KLHL29: variants seen among roughly 807,000 people sequenced by gnomAD.
KLHL29 encodes kelch like family member 29.
A neutral mutation model predicts 80.4 loss-of-function variants in KLHL29; 21 were observed. That is an observed-to-expected ratio of 0.26 (90% confidence interval 0.19 to 0.38). The LOEUF is 0.38. Ranked by LOEUF, KLHL29 falls within the 10% of genes least tolerant of loss-of-function variation. The pLI, the probability that KLHL29 is intolerant of heterozygous loss-of-function variation, is 1.00. For missense variants in KLHL29, 867 were observed against 1,223.9 expected (o/e 0.71, Z 4.35); for synonymous variants, 511 against 526.8 (o/e 0.97, Z 0.41).
At chr2:23,512,778 C>T (rs1659807968) in intron 2 of KLHL29, among the ~76,000 whole-genome samples, 1 of 152,254 alleles carries the variant, frequency 6.6e-6, no homozygotes, top group Non-Finnish European at 1.5e-5. Flanking sequence ...TCCGCTGGTA[C>T]AGGACTGTGT....
intron 1 of KLHL29, among the ~76,000 whole-genome samples, chr2:23,399,492 GT>G: frequency 6.6e-6 from 1 of 152,318 alleles, no homozygotes; most frequent in Non-Finnish European, 1.5e-5. Flanking sequence ...AAAAAAATGT[GT>G]TTTACAATTT....
Position 23,577,667 on chromosome 2 carries a change from G to C in KLHL29, c.285+15186G>C, listed in dbSNP as rs563652318. Among the ~76,000 whole-genome samples the C allele has an allele frequency of 2.0e-5, 3 of 151,718 alleles. No homozygotes were observed. In the South Asian group the frequency reaches 6.2e-4, roughly 32 times the overall value. ...GGAGGCTGAGGCAAGAGAATTGCTTGAACCTGGGAGGCAGAGGTTGCAGTG... is the reference window on the plus strand; with the variant it reads ...GGAGGCTGAGGCAAGAGAATTGCTTCAACCTGGGAGGCAGAGGTTGCAGTG... On this transcript the variant is annotated intron_variant, in intron 3 of 13. Coordinates refer to ENST00000486442, the MANE Select transcript of KLHL29 (RefSeq NM_052920.2).
intron 2 of KLHL29, among the ~76,000 whole-genome samples, chr2:23,510,859 GA>G (rs1482326915): frequency 1.3e-5 from 2 of 152,202 alleles, no homozygotes; most frequent in Non-Finnish European, 2.9e-5. Flanking sequence ...GCTTCTGGGG[GA>G]CAGCACGTCA....
chr2:23,427,098 C>T (rs1420178007), intron 1 of KLHL29, among the ~76,000 whole-genome samples: 1 of 152,176 alleles, frequency 6.6e-6, no homozygotes, highest in African/African-American at 2.4e-5. Flanking sequence ...CTGAATGTCC[C>T]TACTCTTTTT....
chr2:23,558,422 T>TTTCTTTTTTTTTC (rs879365425), intron 2 of KLHL29, among the ~76,000 whole-genome samples: 16 of 150,730 alleles, frequency 1.1e-4, no homozygotes, highest in African/African-American at 3.9e-4. Flanking sequence ...TTTTTTTTTT[T>TTTCTTTTTTTTTC]CTTTGGTCTC....
intron 2 of KLHL29, among the ~76,000 whole-genome samples, chr2:23,497,126 G>A (rs1325840835): frequency 6.6e-6 from 1 of 152,084 alleles, no homozygotes; most frequent in Non-Finnish European, 1.5e-5. Flanking sequence ...CCTTTACCAG[G>A]CAGTGCTGTT....
At chr2:23,426,502 GC>G (rs1243113238) in intron 1 of KLHL29, among the ~76,000 whole-genome samples, 3 of 152,192 alleles carry the variant, frequency 2.0e-5, no homozygotes, top group Admixed American at 1.3e-4. Flanking sequence ...GTCTCCCAGT[GC>G]GCACCTGGTC....
intron 5 of KLHL29, among the ~76,000 whole-genome samples, chr2:23,683,601 C>G (rs559469799): frequency 4.6e-5 from 7 of 152,210 alleles, no homozygotes; most frequent in Non-Finnish European, 1.0e-4. Flanking sequence ...TGTGCCAGCC[C>G]CAGGTCCAAG....
chr2:23,703,169 T>C lies in KLHL29; in HGVS notation c.2106-17T>C. ...AGGTCCATCTTGACCCTGGGCTCTT[T>C]TTCTCCTCTCCTGCAGGTACGACAC... On this transcript the variant is annotated splice_polypyrimidine_tract_variant and intron_variant, in intron 11 of 13. Transcript: ENST00000486442. 1 of 1,402,802 alleles carries C rather than the reference T, an allele frequency of 7.1e-7. No individual in the cohort carries two copies. The highest frequency in any genetic ancestry group is 9.3e-7 in the Non-Finnish European group (1 of 1,072,616). 86.9% of individuals were successfully genotyped at this position (1,402,802 alleles called of 1,614,324 possible).
intron 2 of KLHL29, among the ~76,000 whole-genome samples, chr2:23,537,288 A>G (rs1666700569): frequency 1.3e-5 from 2 of 151,750 alleles, no homozygotes; most frequent in South Asian, 4.2e-4. Flanking sequence ...CCTCAGTGGG[A>G]GGGGTCTGCT....
chr2:23,536,114 C>T (rs762545220), intron 2 of KLHL29, among the ~76,000 whole-genome samples: 11 of 152,166 alleles, frequency 7.2e-5, no homozygotes, highest in Non-Finnish European at 5.9e-5. Context: ...CCTTTCAGAG[C>T]GACAGGTATC....
At chr2:23,523,701 C>T (rs1371277625) in intron 2 of KLHL29, among the ~76,000 whole-genome samples, 1 of 152,204 alleles carries the variant, frequency 6.6e-6, no homozygotes, top group Non-Finnish European at 1.5e-5. Context: ...CTACTGTGTG[C>T]AGGCCACAGT....
intron 2 of KLHL29, among the ~76,000 whole-genome samples, chr2:23,517,974 TCTC>T (rs1472796665): frequency 3.9e-5 from 6 of 152,182 alleles, no homozygotes; most frequent in African/African-American, 1.4e-4. Flanking sequence ...GCTTCAGTGT[TCTC>T]CTCTTCAAAA....
intron 1 of KLHL29, among the ~76,000 whole-genome samples, chr2:23,423,138 C>T (rs529170422): frequency 2.5e-3 from 387 of 152,324 alleles, no homozygotes; most frequent in Non-Finnish European, 3.6e-3. Context: ...GCAGGTGGTC[C>T]CTGGGAAGTT....
At chr2:23,509,899 T>TA (rs1471041778) in intron 2 of KLHL29, among the ~76,000 whole-genome samples, 1 of 152,206 alleles carries the variant, frequency 6.6e-6, no homozygotes, top group Non-Finnish European at 1.5e-5. Flanking sequence ...AATGAACTCT[T>TA]ATCAGTGTAT....
chr2:23,678,537 G>A (rs1670984472), intron 5 of KLHL29, among the ~76,000 whole-genome samples: 1 of 152,230 alleles, frequency 6.6e-6, no homozygotes, highest in Admixed American at 6.5e-5. Flanking sequence ...GCCAGTCTCT[G>A]CCAATATCAG....
Position 23,693,474 on chromosome 2 carries a change from G to A in KLHL29, c.1488G>A (p.Leu496=), listed in dbSNP as rs1671750991. 9 of 1,551,726 alleles carry A rather than the reference G, an allele frequency of 5.8e-6. No homozygotes were observed. The highest frequency in any genetic ancestry group is 7.0e-6 in the Non-Finnish European group (8 of 1,146,982). Residue 496 remains leucine, a synonymous_variant, in exon 8 of 14, where the codon CTG becomes CTA. Transcript: ENST00000486442. ...NDSLNTKAEE[L]VYETVIKWIK... is the part of the protein sequence containing the mutation. ...GCCTCAACACCAAGGCTGAGGAGCT[G>A]GTGTACGAGACAGTCATCAAGTGGA...
At chr2:23,633,790 T>A (rs1468783622) in intron 3 of KLHL29, among the ~76,000 whole-genome samples, 1 of 151,996 alleles carries the variant, frequency 6.6e-6, no homozygotes, top group Non-Finnish European at 1.5e-5. Flanking sequence ...TGTGTGTGTG[T>A]GTTTAATTTG....
chr2:23,617,544 C>T (rs151221818), intron 3 of KLHL29: 1 of 152,300 alleles, frequency 6.6e-6, no homozygotes, highest in Admixed American at 6.5e-5. Context: ...GAAAATACTG[C>T]CTTCAAGTAC....
Sources: allele counts gnomAD v4.1 joint callset (sites outside exome capture counted in the v4.1 genomes callset), GRCh38; gene constraint gnomAD v4.1.1; transcripts MANE v1.5; gene names NCBI Gene and HGNC (gene_info 2026-07-23, HGNC 2026-07-21).